The following MYO16 variants were observed in gnomAD, a reference collection of about 807,000 sequenced individuals.
MYO16 encodes myosin XVI.
MYO16 carries 94 observed loss-of-function variants against 205.3 expected under a neutral mutation model. That is an observed-to-expected ratio of 0.46 (90% confidence interval 0.39 to 0.54). The LOEUF (loss-of-function observed/expected upper bound fraction) is 0.54, where lower values mean the gene tolerates loss of function less well. Among genes scored for constraint, MYO16 ranks in the 20% least tolerant of loss-of-function variants. The pLI, the probability that MYO16 is intolerant of heterozygous loss-of-function variation, is 0.00. For synonymous variants in MYO16, 988 were observed against 954.0 expected, an observed-to-expected ratio of 1.04 and a Z score of -0.66; for missense variants, 2,315 against 2,387.5, an observed-to-expected ratio of 0.97 and a Z score of 0.63.
chr13:108,659,750 T>C (rs768762502), intron 1 of MYO16, among the ~76,000 whole-genome samples: 2 of 152,168 alleles, frequency 1.3e-5, no homozygotes, highest in African/African-American at 2.4e-5. Flanking sequence ...CGTTCTGCAA[T>C]TTCATTCAAC....
At chr13:108,722,972 A>G (rs149938251) in intron 3 of MYO16, among the ~76,000 whole-genome samples, 116 of 152,160 alleles carry the variant, frequency 7.6e-4, no homozygotes, top group African/African-American at 2.6e-3. Flanking sequence ...CATTGCACCT[A>G]TTGCTTACTT....
chr13:108,832,120 A>G (rs1343230868), intron 9 of MYO16, among the ~76,000 whole-genome samples: 2 of 147,092 alleles, frequency 1.4e-5, no homozygotes, highest in Non-Finnish European at 3.0e-5. Context: ...TTGACTTTCC[A>G]GTGTATTTCA....
chr13:108,993,543 C>T (rs1240932990), intron 21 of MYO16, among the ~76,000 whole-genome samples: 3 of 152,086 alleles, frequency 2.0e-5, no homozygotes, highest in South Asian at 2.1e-4. Flanking sequence ...GCTGACTTAC[C>T]TAATCCAGGG....
intron 1 of MYO16, among the ~76,000 whole-genome samples, chr13:108,612,338 A>G (rs564025834): frequency 1.3e-5 from 2 of 152,290 alleles, no homozygotes; most frequent in South Asian, 2.1e-4. Context: ...AAGTAATAAT[A>G]TCATTGAATC....
chr13:109,163,027 G>A (rs1878459465), intron 32 of MYO16, among the ~76,000 whole-genome samples: 3 of 152,144 alleles, frequency 2.0e-5, no homozygotes, highest in Admixed American at 1.3e-4. Flanking sequence ...TATGTATAAT[G>A]GAGTCAGGAG....
At chr13:108,677,332 TGTGTATATATATATATATATATGC>T (rs1402979262) in intron 2 of MYO16, among the ~76,000 whole-genome samples, 6 of 123,022 alleles carry the variant, frequency 4.9e-5, no homozygotes, top group Admixed American at 7.9e-5. Context: ...TGTGTGTGTG[TGTGTATATATATATATATATATGC>T]ATATATATAT....
At position 109,008,987 on chromosome 13, in the gene MYO16, G is replaced by A. The variant is rs201948704; in HGVS notation, c.2533G>A (p.Val845Ile). 3.1e-6 allele frequency: 5 copies of A among 1,610,980 alleles called. No homozygotes were observed. Among genetic ancestry groups the A allele is most frequent in the African/African-American group, 1.3e-5 (1 of 74,948 alleles). ...HEQVECVQEGVTMETAYSPGN... is the reference protein window; with the variant it reads ...HEQVECVQEGITMETAYSPGN... ...GCAAGTGGAATGTGTACAAGAGGGA[G>A]TTACCATGGAAACAGCATATTCTCC... The change falls in exon 22 of 35, where the codon GTT (valine) becomes ATT (isoleucine). Residue 845 changes from valine (V) to isoleucine (I), a missense_variant. By Grantham distance (29) the Val-to-Ile change is conservative. Transcript: ENST00000457511.
intron 9 of MYO16, among the ~76,000 whole-genome samples, chr13:108,839,301 C>T (rs1465824760): frequency 6.6e-6 from 1 of 152,064 alleles, no homozygotes; most frequent in Non-Finnish European, 1.5e-5. Flanking sequence ...TAATCGCCTC[C>T]TAAAAGTTCC....
At chr13:109,075,514 C>T (rs1163853227) in intron 27 of MYO16, among the ~76,000 whole-genome samples, 1 of 151,930 alleles carries the variant, frequency 6.6e-6, no homozygotes, top group Non-Finnish European at 1.5e-5. Context: ...CTCAGCCTCC[C>T]AAGTAGCTGG....
chr13:108,915,112 C>T (rs1881434460), intron 16 of MYO16, among the ~76,000 whole-genome samples: 7 of 152,184 alleles, frequency 4.6e-5, no homozygotes, highest in Admixed American at 4.6e-4. Flanking sequence ...TATCTAGAAA[C>T]AGCAGATAGG....
At chr13:108,885,762 C>A (rs1030218926) in intron 13 of MYO16, among the ~76,000 whole-genome samples, 2 of 152,042 alleles carry the variant, frequency 1.3e-5, no homozygotes, top group African/African-American at 4.8e-5. Flanking sequence ...TGTTATAGGT[C>A]AGTTTTTGAA....
the MYO16 span, among the ~76,000 whole-genome samples, chr13:108,549,366 G>A: frequency 6.6e-6 from 1 of 152,000 alleles, no homozygotes; most frequent in Non-Finnish European, 1.5e-5. Flanking sequence ...GAGAACAGAG[G>A]TTCCTCTGGA....
intron 23 of MYO16, among the ~76,000 whole-genome samples, chr13:109,045,248 C>T (rs778415763): frequency 2.0e-4 from 30 of 152,294 alleles, no homozygotes; most frequent in African/African-American, 4.1e-4. Flanking sequence ...GATAACTCCA[C>T]GCTGTGGGAG....
intron 17 of MYO16, among the ~76,000 whole-genome samples, chr13:108,958,508 C>T (rs1446912859): frequency 6.6e-6 from 1 of 152,032 alleles, no homozygotes; most frequent in African/African-American, 2.4e-5. Flanking sequence ...TAGATCATGG[C>T]CGTGCCGTAG....
chr13:108,920,206 C>T (rs1422016088), intron 16 of MYO16, among the ~76,000 whole-genome samples: 1 of 152,118 alleles, frequency 6.6e-6, no homozygotes, highest in Admixed American at 6.5e-5. Flanking sequence ...GTTGATAAAC[C>T]TGCTTCTGTG....
intron 2 of MYO16, among the ~76,000 whole-genome samples, chr13:108,679,162 T>A (rs1174769976): frequency 2.0e-5 from 3 of 152,250 alleles, no homozygotes; most frequent in East Asian, 3.9e-4. Context: ...GCTCCTGCCT[T>A]GGGGTCTTTG....
intron 9 of MYO16, among the ~76,000 whole-genome samples, chr13:108,841,669 G>A (rs1338710065): frequency 6.6e-6 from 1 of 151,558 alleles, no homozygotes; most frequent in Non-Finnish European, 1.5e-5. Context: ...TCAATAATCT[G>A]AAAACAAAGA....
At chr13:108,762,420 A>G (rs538118994) in intron 4 of MYO16, among the ~76,000 whole-genome samples, 2 of 152,262 alleles carry the variant, frequency 1.3e-5, no homozygotes, top group East Asian at 3.9e-4. Context: ...AAATATCCAT[A>G]CTGTTTTCCA....
At chr13:109,095,574 A>G (rs1487107005) in intron 27 of MYO16, among the ~76,000 whole-genome samples, 1 of 152,054 alleles carries the variant, frequency 6.6e-6, no homozygotes, top group Non-Finnish European at 1.5e-5. Context: ...TACCATTTTA[A>G]GTGTCAAAAA....
Sources: gnomAD v4.1 joint callset for allele counts (sites outside exome capture counted in the v4.1 genomes callset) on GRCh38, gnomAD v4.1.1 for gene constraint, MANE v1.5 for transcripts, NCBI Gene and HGNC (gene_info 2026-07-23, HGNC 2026-07-21) for gene names.